ZFAT: variants seen among roughly 807,000 people sequenced by gnomAD.
ZFAT encodes zinc finger and AT-hook domain containing.
ZFAT carries 64 observed loss-of-function variants against 117.7 expected under a neutral mutation model. The observed-to-expected ratio is 0.54, with a 90% CI of 0.44 to 0.67. ZFAT has a LOEUF of 0.67. Among genes scored for constraint, ZFAT ranks in the 30% least tolerant of loss-of-function variants. The pLI, the probability that ZFAT is intolerant of heterozygous loss-of-function variation, is 0.00. For synonymous variants in ZFAT, 679 were observed against 615.0 expected (o/e 1.10, Z -1.54); for missense variants, 1,433 against 1,584.5 (o/e 0.90, Z 1.62).
intron 2 of ZFAT, among the ~76,000 whole-genome samples, chr8:134,643,153 A>G (rs772455554): frequency 6.6e-6 from 1 of 152,268 alleles, no homozygotes; most frequent in Non-Finnish European, 1.5e-5. Flanking sequence ...CATTAGTATG[A>G]TCCCCATCAT....
the ZFAT span, among the ~76,000 whole-genome samples, chr8:134,804,404 A>C: frequency 1.3e-5 from 2 of 152,218 alleles, no homozygotes; most frequent in African/African-American, 4.8e-5. Context: ...TGGGGGGCTA[A>C]GAGGACGGAG....
intron 11 of ZFAT, among the ~76,000 whole-genome samples, chr8:134,541,763 C>T (rs982223293): frequency 1.3e-5 from 2 of 152,166 alleles, no homozygotes; most frequent in African/African-American, 4.8e-5. Flanking sequence ...CAAAATATGT[C>T]ATCAACTCAC....
chr8:134,514,077 C>T (rs373068468), intron 13 of ZFAT, among the ~76,000 whole-genome samples: 62 of 152,212 alleles, frequency 4.1e-4, no homozygotes, highest in African/African-American at 1.4e-3. Context: ...GGCTGGTACT[C>T]GTTGCAAGGC....
intron 11 of ZFAT, 134 bp downstream of exon 11, chr8:134,565,199 C>T (rs112874975): frequency 1.9e-6 from 3 of 1,540,208 alleles, no homozygotes; most frequent in South Asian, 1.2e-5. Context: ...TCAGACTCCA[C>T]GTGTACCAGC....
intron 11 of ZFAT, among the ~76,000 whole-genome samples, chr8:134,558,523 A>G (rs915666408): frequency 2.0e-5 from 3 of 152,238 alleles, no homozygotes; most frequent in African/African-American, 7.2e-5. Flanking sequence ...CCGAACAACA[A>G]GAAAAAAGTA....
intron 5 of ZFAT, among the ~76,000 whole-genome samples, chr8:134,604,652 C>T (rs2130941976): frequency 1.3e-5 from 2 of 152,348 alleles, no homozygotes; most frequent in South Asian, 4.1e-4. Flanking sequence ...CAACTGTACC[C>T]ACTCTCACTG....
At chr8:134,509,000 G>A (rs1016844531) in intron 15 of ZFAT, among the ~76,000 whole-genome samples, 3 of 152,140 alleles carry the variant, frequency 2.0e-5, no homozygotes, top group Non-Finnish European at 4.4e-5. Flanking sequence ...AGAGACACAG[G>A]TATAAACAGA....
chr8:134,625,448 A>G (rs1351268345), intron 3 of ZFAT, among the ~76,000 whole-genome samples: 6 of 152,276 alleles, frequency 3.9e-5, no homozygotes, highest in African/African-American at 1.4e-4. Context: ...GATGGAGTTC[A>G]GGGCTACCTC....
At chr8:134,744,291 A>G in the ZFAT span, among the ~76,000 whole-genome samples, 1 of 143,514 alleles carries the variant, frequency 7.0e-6, no homozygotes, top group African/African-American at 2.6e-5. Context: ...CCTAGAGGCT[A>G]AGAGTTTTTT....
At chr8:134,624,420 C>T (rs1586838888) in intron 3 of ZFAT, among the ~76,000 whole-genome samples, 1 of 151,936 alleles carries the variant, frequency 6.6e-6, no homozygotes, top group African/African-American at 2.4e-5. Flanking sequence ...CTTTGGGAGG[C>T]CAAGGCGAGC....
chr8:134,584,846 T>C (rs767397851), intron 9 of ZFAT, among the ~76,000 whole-genome samples: 11 of 152,048 alleles, frequency 7.2e-5, no homozygotes, highest in Non-Finnish European at 1.2e-4. Flanking sequence ...AGCAGACAAT[T>C]TTTAGTAGTA....
At chr8:134,764,674 A>G in the ZFAT span, 2 of 152,238 alleles carry the variant, frequency 1.3e-5, no homozygotes, top group African/African-American at 2.4e-5. Flanking sequence ...TTTAATTTGA[A>G]TATTCTTGAA....
chr8:134,584,745 G>A (rs7011117), intron 9 of ZFAT, among the ~76,000 whole-genome samples: 3,518 of 147,918 alleles, frequency 0.024, 155 homozygotes, highest in African/African-American at 0.081. Flanking sequence ...TAAACAGGCC[G>A]TTACAATATT....
intron 8 of ZFAT, among the ~76,000 whole-genome samples, chr8:134,589,733 A>C (rs1297382619): frequency 6.6e-6 from 1 of 152,224 alleles, no homozygotes; most frequent in East Asian, 1.9e-4. Flanking sequence ...GGAAGAATGC[A>C]AAGAATGAAC....
At chr8:134,818,999 G>C in the ZFAT span, among the ~76,000 whole-genome samples, 4 of 152,150 alleles carry the variant, frequency 2.6e-5, no homozygotes, top group South Asian at 8.3e-4. Context: ...TGGTCTCATG[G>C]ATAAACACGT....
intron 9 of ZFAT, among the ~76,000 whole-genome samples, chr8:134,585,547 A>C (rs550549071): frequency 6.6e-6 from 1 of 152,336 alleles, no homozygotes; most frequent in African/African-American, 2.4e-5. Context: ...AAGGAGAAGA[A>C]CCAAGCAAAG....
the ZFAT span, chr8:134,795,316 G>A: frequency 3.3e-5 from 5 of 152,304 alleles, no homozygotes; most frequent in African/African-American, 7.2e-5. Context: ...GGACACGACA[G>A]GGCTTGGAGA....
intron 2 of ZFAT, among the ~76,000 whole-genome samples, chr8:134,641,414 C>T (rs1419539949): frequency 3.9e-5 from 6 of 152,284 alleles, no homozygotes; most frequent in African/African-American, 1.2e-4. Context: ...AATCAGAGAC[C>T]AAGCCCCAGT....
chr8:134,680,423 T>C (rs1274059038), intron 1 of ZFAT, among the ~76,000 whole-genome samples: 4 of 152,156 alleles, frequency 2.6e-5, no homozygotes, highest in Admixed American at 1.3e-4. Flanking sequence ...CTTTTACAAT[T>C]TTCAGTACAA....
Sources: allele counts gnomAD v4.1 joint callset (sites outside exome capture counted in the v4.1 genomes callset), GRCh38; gene constraint gnomAD v4.1.1; transcripts MANE v1.5; gene names NCBI Gene and HGNC (gene_info 2026-07-23, HGNC 2026-07-21).